LMO3: variants seen among roughly 807,000 people sequenced by gnomAD.
LMO3 encodes LIM domain only protein 3.
LMO3 carries 2 observed loss-of-function variants against 15.8 expected under a neutral mutation model. The observed-to-expected ratio is 0.13, with a 90% CI of 0.05 to 0.40. The LOEUF is 0.40. LMO3 is among the 10% of genes least tolerant of loss of function. LMO3 has a pLI of 0.99. For missense variants in LMO3, 86 were observed against 182.2 expected, an observed-to-expected ratio of 0.47 and a Z score of 3.04; for synonymous variants, 62 against 63.8, an observed-to-expected ratio of 0.97 and a Z score of 0.13.
At chr12:16,575,782 C>T (rs547565265) in intron 2 of LMO3, among the ~76,000 whole-genome samples, 6 of 150,310 alleles carry the variant, frequency 4.0e-5, no homozygotes, top group Non-Finnish European at 7.4e-5. Flanking sequence ...CTTTTCATGT[C>T]CTGACCTGTA....
At chr12:16,562,886 A>C (rs73322829) in intron 2 of LMO3, among the ~76,000 whole-genome samples, 343 of 152,348 alleles carry the variant, frequency 2.3e-3, no homozygotes, top group Middle Eastern at 0.01. Context: ...CAATGTGCAC[A>C]AAACAGTTCT....
chr12:16,598,733 CTAAGA>C lies in LMO3; in HGVS notation c.206+1917_206+1921del, dbSNP rs1943733602. The C allele has an allele frequency of 6.5e-6, 1 of 154,112 alleles. No individual in the cohort carries two copies. The highest frequency in any genetic ancestry group is 6.5e-5 in the Admixed American group (1 of 15,404). 9.5% of individuals were successfully genotyped at this position (154,112 alleles called of 1,614,324 possible). A position where few individuals can be genotyped will look rare whatever the true frequency, so the allele number is the denominator to read the frequency against. On this transcript the variant is annotated intron_variant, in intron 2 of 3. Coordinates refer to ENST00000537304, the MANE Select transcript of LMO3 (RefSeq NM_018640.5). The surrounding 1 kb of genome is among the most constrained non-coding windows in gnomAD (Gnocchi z 4.3). ...CAAGGAAAAAGAAAACAAAACAAAT[CTAAGA>C]TTACTGTCTTTGCTCGATGCTATGT...
chr12:16,551,744 A>T (rs1254394484), intron 3 of LMO3, among the ~76,000 whole-genome samples: 4 of 152,068 alleles, frequency 2.6e-5, no homozygotes, highest in African/African-American at 7.2e-5. Context: ...CACTTAATAA[A>T]AAAGTAAAAG....
chr12:16,605,863 A>G, intron 1 of LMO3: 1 of 1,522,674 alleles, frequency 6.6e-7, no homozygotes, highest in East Asian at 2.4e-5. Flanking sequence ...ATGAAGCCTC[A>G]CATGATTTAA....
In LMO3 at chr12:16,559,740, C is replaced by T. The variant is rs545574405; in HGVS notation, c.332+673G>A. On this transcript the variant is annotated intron_variant, in intron 3 of 3. Transcript: ENST00000537304. This position sits in a 1 kb window ranked among gnomAD's most constrained non-coding sequence, Gnocchi z 4.1. ...TGGAGGTGGGAGGATTGCTTGAGGC[C>T]AGGAGTTTGAGACCAGCCTGGGTAA... Among the ~76,000 whole-genome samples, 5 of 151,092 alleles carry T rather than the reference C, an allele frequency of 3.3e-5. No individual in the cohort carries two copies. In the South Asian group the frequency reaches 1.0e-3, roughly 32 times the overall value.
At chr12:16,581,817 T>G (rs147935425) in intron 2 of LMO3, among the ~76,000 whole-genome samples, 1,558 of 152,212 alleles carry the variant, frequency 0.01, 12 homozygotes, top group Middle Eastern at 0.031. Context: ...TTACTACTCT[T>G]TATTAATTTC....
rs1252078381 is a variant in LMO3 at position 16,605,901 on chromosome 12, C to T, written c.-9+165G>A. On this transcript the variant is annotated intron_variant, in intron 1 of 3. Coordinates refer to ENST00000537304, the MANE Select transcript of LMO3 (RefSeq NM_018640.5). ...AAAACCGTCTCAGTAGAGCTGCAGC[C>T]CGAGTGAAAGTTGCAGTGCGGAGCT... 5.0e-6 allele frequency: 7 copies of T among 1,408,448 alleles called. No individual in the cohort carries two copies. The Admixed American group carries it at 1.4e-4, about 28-fold the overall frequency. 87.2% of individuals were successfully genotyped at this position (1,408,448 alleles called of 1,614,324 possible).
chr12:16,597,649 T>C lies in LMO3; in HGVS notation c.206+3006A>G, dbSNP rs1591827848. 1 of 152,088 alleles carries C rather than the reference T, an allele frequency of 6.6e-6. No individual in the cohort carries two copies. The highest frequency in any genetic ancestry group is 2.4e-5 in the African/African-American group (1 of 41,558). 9.4% of individuals were successfully genotyped at this position (152,088 alleles called of 1,614,324 possible). ...GACAGGCAAATTACTATTTTATTAC[T>C]TTCCTTATTCTTACTTATGTTCTTA... On this transcript the variant is annotated intron_variant, in intron 2 of 3. Transcript: ENST00000537304. This position sits in a 1 kb window ranked among gnomAD's most constrained non-coding sequence, Gnocchi z 5.0.
rs1443786935 is a variant in LMO3, at chr12:16,597,540, G to A, written c.206+3115C>T. 6.6e-6 allele frequency: 1 copy of A among 151,730 alleles called. No individual in the cohort carries two copies. The highest frequency in any genetic ancestry group is 2.4e-5 in the African/African-American group (1 of 41,378). The allele number at this position is 151,730 out of a possible 1,614,324, so 9.4% of individuals were successfully genotyped here. The stretch of plus-strand genomic sequence containing the variant: ...GGAGAAGTGTATTAAGAAGCTAAAT[G>A]TAATTGGCAAAAATATTTTACTTTT... On this transcript the variant is annotated intron_variant, in intron 2 of 3. Coordinates refer to ENST00000537304, the MANE Select transcript of LMO3 (RefSeq NM_018640.5). The surrounding 1 kb of genome is among the most constrained non-coding windows in gnomAD (Gnocchi z 5.0).
At chr12:16,609,464 T>C (rs1365839479), upstream of LMO3, among the ~76,000 whole-genome samples, 1 of 152,216 alleles carries the variant, frequency 6.6e-6, no homozygotes, top group Non-Finnish European at 1.5e-5. Context: ...TTTGGAAATC[T>C]TTGCGAAAGG....
chr12:16,583,160 T>G (rs1943219002), intron 2 of LMO3, among the ~76,000 whole-genome samples: 1 of 152,070 alleles, frequency 6.6e-6, no homozygotes, highest in African/African-American at 2.4e-5. Flanking sequence ...GACTGTAAGA[T>G]GATCCCGGAT....
At chr12:16,572,789 C>A (rs1591795475) in intron 2 of LMO3, among the ~76,000 whole-genome samples, 1 of 150,746 alleles carries the variant, frequency 6.6e-6, no homozygotes, top group African/African-American at 2.4e-5. Context: ...AGAGACCAAC[C>A]ACTTTGGGAA....
rs562361704 is a variant in LMO3, at chr12:16,571,709, T to C, written c.207-11171A>G. On this transcript the variant is annotated intron_variant, in intron 2 of 3. Transcript: ENST00000537304. The stretch of plus-strand genomic sequence containing the variant: ...TCCTTCACTGACTCAAATATGCAGA[T>C]TGAATTAAATACCCTTTCAAGATAT... 1.6e-4 allele frequency among the ~76,000 whole-genome samples: 24 copies of C among 152,138 alleles called. No individual in the cohort carries two copies. The South Asian group carries it at 4.6e-3, about 29-fold the overall frequency.
At position 16,584,371 on chromosome 12, in the gene LMO3, G is replaced by A. The variant is rs150686726; in HGVS notation, c.206+16284C>T. Among the ~76,000 whole-genome samples the A allele has an allele frequency of 4.9e-3, 744 of 152,230 alleles. 8 individuals are homozygous for A. Among genetic ancestry groups the A allele is most frequent in the African/African-American group, 0.017 (720 of 41,532 alleles). ...TAAAGGAGAGGCAAGTTTCAGGTAA[G>A]GCAACAGATGAAATTCAGTTAAAAC... On this transcript the variant is annotated intron_variant, in intron 2 of 3. Coordinates refer to ENST00000537304, the MANE Select transcript of LMO3 (RefSeq NM_018640.5). This position sits in a 1 kb window ranked among gnomAD's most constrained non-coding sequence, Gnocchi z 5.2.
At position 16,560,602 on chromosome 12, in the gene LMO3, G is replaced by T; in HGVS notation, c.207-64C>A. ...ACAGAGAAATCTGAGATCGTGAAGAGAGATGATGTTAATATACTCTGTAAA... is the reference window on the plus strand; with the variant it reads ...ACAGAGAAATCTGAGATCGTGAAGATAGATGATGTTAATATACTCTGTAAA... On this transcript the variant is annotated intron_variant, in intron 2 of 3. Coordinates refer to ENST00000537304, the MANE Select transcript of LMO3 (RefSeq NM_018640.5). The surrounding 1 kb of genome is among the most constrained non-coding windows in gnomAD (Gnocchi z 5.0). The T allele has an allele frequency of 1.4e-6, 2 of 1,447,750 alleles. No individual in the cohort carries two copies. Among genetic ancestry groups the T allele is most frequent in the East Asian group, 2.3e-5 (1 of 43,372 alleles). 89.7% of individuals were successfully genotyped at this position (1,447,750 alleles called of 1,614,324 possible). A position where few individuals can be genotyped will look rare whatever the true frequency, so the allele number is the denominator to read the frequency against.
chr12:16,606,572 T>TCTCGCTGGCTCCCTCG (rs1289815180), upstream of LMO3: 1 of 148,798 alleles, frequency 6.7e-6, no homozygotes, highest in Non-Finnish European at 1.5e-5. Context: ...TCCCTCCCTC[T>TCTCGCTGGCTCCCTCG]CTCGCTGGCT....
intron 2 of LMO3, among the ~76,000 whole-genome samples, chr12:16,572,339 CTTTT>C (rs59773866): frequency 7.8e-5 from 7 of 89,528 alleles, no homozygotes; most frequent in East Asian, 3.5e-4. Flanking sequence ...GGTCCAAACT[CTTTT>C]TTTTTTTTTT....
chr12:16,580,815 T>G lies in LMO3; in HGVS notation c.206+19840A>C, dbSNP rs181500698. ...ATCTCTATTGTTAAATTTTTCACGA[T>G]GTTCTTATAGTTGCTTTGCAATAAA... On this transcript the variant is annotated intron_variant, in intron 2 of 3. Transcript: ENST00000537304. 1.4e-4 allele frequency among the ~76,000 whole-genome samples: 22 copies of G among 152,326 alleles called. No homozygotes were observed. The East Asian group carries it at 4.1e-3, about 28-fold the overall frequency.
In LMO3 at chr12:16,582,359, G is replaced by A. The variant is rs1344326516; in HGVS notation, c.206+18296C>T. 6.6e-6 allele frequency among the ~76,000 whole-genome samples: 1 copy of A among 152,178 alleles called. No homozygotes were observed. Among genetic ancestry groups the A allele is most frequent in the East Asian group, 1.9e-4 (1 of 5,202 alleles). ...CCTATAGTATTATTCATTTTAGACA[G>A]TGACAGACTATTTGCTAATATCTTT... On this transcript the variant is annotated intron_variant, in intron 2 of 3. Transcript: ENST00000537304. This position sits in a 1 kb window ranked among gnomAD's most constrained non-coding sequence, Gnocchi z 4.1.
Sources: gnomAD v4.1 joint callset for allele counts (sites outside exome capture counted in the v4.1 genomes callset) on GRCh38, gnomAD v4.1.1 for gene constraint, Gnocchi (gnomAD v3.1) non-coding constraint, MANE v1.5 for transcripts, NCBI Gene and HGNC (gene_info 2026-07-23, HGNC 2026-07-21) for gene names.